The following ZFYVE28 variants were observed in gnomAD, a reference collection of about 807,000 sequenced individuals.
ZFYVE28 encodes the protein zinc finger FYVE-type containing 28, also known as lateral signaling target protein 2 homolog.
ZFYVE28 carries 40 observed loss-of-function variants against 82.1 expected under a neutral mutation model. That is an observed-to-expected ratio of 0.49 (90% CI 0.38 to 0.63). The LOEUF (loss-of-function observed/expected upper bound fraction) is 0.63. Among genes scored for constraint, ZFYVE28 ranks in the 30% least tolerant of loss-of-function variants. The pLI, the probability that ZFYVE28 is intolerant of heterozygous loss-of-function variation, is 0.00. For synonymous variants in ZFYVE28, 612 were observed against 546.1 expected, an observed-to-expected ratio of 1.12 and a Z score of -1.68; for missense variants, 1,321 against 1,242.1, an observed-to-expected ratio of 1.06 and a Z score of -0.96.
At chr4:2,345,260 A>G (rs1207398048) in intron 2 of ZFYVE28, among the ~76,000 whole-genome samples, 2 of 152,212 alleles carry the variant, frequency 1.3e-5, no homozygotes, top group East Asian at 3.9e-4. Context: ...ACCCATGACT[A>G]AAAGGAAAAG....
intron 8 of ZFYVE28, among the ~76,000 whole-genome samples, chr4:2,288,341 T>C (rs577761465): frequency 5.7e-4 from 87 of 152,268 alleles, no homozygotes; most frequent in African/African-American, 2.0e-3. Flanking sequence ...ACCTCATCTC[T>C]AATGAGGGCA....
chr4:2,399,264 G>A (rs1404935570), intron 1 of ZFYVE28, among the ~76,000 whole-genome samples: 1 of 152,090 alleles, frequency 6.6e-6, no homozygotes, highest in Non-Finnish European at 1.5e-5. Flanking sequence ...ATTGGGGGGT[G>A]CAGCAGGGGT....
At chr4:2,291,569 C>T (rs909310261) in intron 8 of ZFYVE28, among the ~76,000 whole-genome samples, 2 of 152,196 alleles carry the variant, frequency 1.3e-5, no homozygotes, top group African/African-American at 4.8e-5. Context: ...TCCCCTCTCT[C>T]TCCACCTCAG....
chr4:2,276,387 G>A (rs1057247154), intron 8 of ZFYVE28, among the ~76,000 whole-genome samples: 2 of 152,172 alleles, frequency 1.3e-5, no homozygotes, highest in Non-Finnish European at 2.9e-5. Flanking sequence ...GGGCCTTGCT[G>A]CCCTCTGCCC....
rs1388560902 is a variant in ZFYVE28 at position 2,305,209 on chromosome 4, G to A, written c.1131C>T (p.Gly377=). Residue 377 remains glycine, a synonymous_variant, in exon 8 of 13, where the codon GGC becomes GGT. Transcript: ENST00000290974. ...QSPAHRPGAE[G]SPGGEASPGR... ...CTGGAGAGGCCTCCCCGCCTGGGCT[G>A]CCCTCCGCTCCTGGCCTGTGAGCTG... The A allele has an allele frequency of 5.0e-6, 8 of 1,606,288 alleles. No homozygotes were observed. The East Asian group carries it at 1.1e-4, about 22-fold the overall frequency.
At chr4:2,404,636 G>A (rs1731630168) in intron 1 of ZFYVE28, among the ~76,000 whole-genome samples, 1 of 152,212 alleles carries the variant, frequency 6.6e-6, no homozygotes, top group Non-Finnish European at 1.5e-5. Flanking sequence ...AGGCAAATCC[G>A]CAGAGATGGA....
intron 7 of ZFYVE28, among the ~76,000 whole-genome samples, chr4:2,310,465 T>G (rs192883730): frequency 1.3e-5 from 2 of 152,292 alleles, no homozygotes; most frequent in East Asian, 3.9e-4. Flanking sequence ...TGTAATATCT[T>G]GGTCAGGTTT....
At chr4:2,328,157 T>A (rs1051899055) in intron 6 of ZFYVE28, among the ~76,000 whole-genome samples, 16 of 152,228 alleles carry the variant, frequency 1.1e-4, no homozygotes, top group Admixed American at 2.0e-4. Flanking sequence ...GAAATCAACC[T>A]AAGCGTTTAA....
intron 2 of ZFYVE28, among the ~76,000 whole-genome samples, chr4:2,348,540 A>G (rs1053955074): frequency 5.9e-5 from 9 of 152,244 alleles, no homozygotes; most frequent in South Asian, 2.1e-4. Context: ...ATTTTAGGAA[A>G]CTGAATTCAA....
At chr4:2,392,180 T>C (rs994559976) in intron 1 of ZFYVE28, among the ~76,000 whole-genome samples, 5 of 149,502 alleles carry the variant, frequency 3.3e-5, no homozygotes, top group African/African-American at 1.2e-4. Context: ...TGGGGAGGCA[T>C]ATTTTATGTT....
Position 2,360,403 on chromosome 4 carries a change from A to C in ZFYVE28, c.40-6330T>G, listed in dbSNP as rs1229059291. 9.3e-4 allele frequency among the ~76,000 whole-genome samples: 141 copies of C among 151,562 alleles called. 2 individuals carry two copies. The highest frequency in any genetic ancestry group is 3.4e-3 in the Middle Eastern group (1 of 292). ...GAGAGCTGTAATCACACACACACAC[A>C]CACACACACACACACACACACACAG... On this transcript the variant is annotated intron_variant, in intron 1 of 12. Transcript: ENST00000290974.
intron 1 of ZFYVE28, among the ~76,000 whole-genome samples, chr4:2,396,885 G>A (rs902333811): frequency 6.6e-6 from 1 of 152,216 alleles, no homozygotes; most frequent in East Asian, 1.9e-4. Flanking sequence ...GACTGACACG[G>A]AGTCACTGGG....
At chr4:2,329,231 T>A (rs1419342551) in intron 6 of ZFYVE28, 1 of 554,778 alleles carries the variant, frequency 1.8e-6, no homozygotes, top group Non-Finnish European at 3.3e-6. Flanking sequence ...CTAACTATAT[T>A]AAGTCTTCCC....
intron 6 of ZFYVE28, chr4:2,325,216 G>C (rs1476379144): frequency 6.6e-6 from 1 of 152,060 alleles, no homozygotes; most frequent in African/African-American, 2.4e-5. Context: ...TTATCAAATA[G>C]CATAGAATCT....
rs138140338 is a variant in ZFYVE28, at chr4:2,357,081, G to C, written c.40-3008C>G. On this transcript the variant is annotated intron_variant, in intron 1 of 12. Coordinates refer to ENST00000290974, the MANE Select transcript of ZFYVE28 (RefSeq NM_020972.3). ...CCAGCTAATTTTTGTATTTTTAGTAGAGACAGGGTTTCACTGTGTTGCCTG... is the reference window on the plus strand; with the variant it reads ...CCAGCTAATTTTTGTATTTTTAGTACAGACAGGGTTTCACTGTGTTGCCTG... 7.9e-4 allele frequency among the ~76,000 whole-genome samples: 120 copies of C among 152,250 alleles called. 2 individuals carry two copies. In the East Asian group the frequency reaches 0.021, roughly 27 times the overall value.
At chr4:2,369,440 T>A (rs1727256346) in intron 1 of ZFYVE28, among the ~76,000 whole-genome samples, 1 of 152,164 alleles carries the variant, frequency 6.6e-6, no homozygotes, top group African/African-American at 2.4e-5. Flanking sequence ...CTCTGGGACC[T>A]CAGACATGGT....
intron 6 of ZFYVE28, among the ~76,000 whole-genome samples, chr4:2,333,458 C>A (rs953287174): frequency 6.6e-6 from 1 of 151,838 alleles, no homozygotes; most frequent in African/African-American, 2.4e-5. Context: ...TGCTGTTCTG[C>A]GGTCGCCTGT....
intron 1 of ZFYVE28, among the ~76,000 whole-genome samples, chr4:2,357,490 C>T (rs1350527335): frequency 1.3e-5 from 2 of 152,208 alleles, no homozygotes; most frequent in African/African-American, 2.4e-5. Context: ...GGCCTGACAC[C>T]CACCTCAGGC....
rs143638581 is a variant in ZFYVE28 at position 2,332,565 on chromosome 4, C to G, written c.701+3140G>C. 1.4e-4 allele frequency among the ~76,000 whole-genome samples: 21 copies of G among 152,318 alleles called. No individual in the cohort carries two copies. In the East Asian group the frequency reaches 3.9e-3, roughly 28 times the overall value. On this transcript the variant is annotated intron_variant, in intron 6 of 12. Coordinates refer to ENST00000290974, the MANE Select transcript of ZFYVE28 (RefSeq NM_020972.3). This position sits in a 1 kb window ranked among gnomAD's most constrained non-coding sequence, Gnocchi z 4.7. ...AGCCCATCTGTCCATCTCCCTGGTA[C>G]AAGCACAGGGCGAGGTATGCAGTAG...
Sources: allele counts gnomAD v4.1 joint callset (sites outside exome capture counted in the v4.1 genomes callset), GRCh38; gene constraint gnomAD v4.1.1; non-coding constraint Gnocchi (gnomAD v3.1); transcripts MANE v1.5; gene names NCBI Gene and HGNC (gene_info 2026-07-23, HGNC 2026-07-21).